The following ATRNL1 variants were observed in gnomAD, a reference collection of about 807,000 sequenced individuals.
The protein encoded by ATRNL1 is attractin like 1.
In ATRNL1, 95 loss-of-function variants were observed where a neutral mutation model predicts 182.7. The ratio of observed to expected loss-of-function variants is 0.52; its 90% CI spans 0.44 to 0.62. The LOEUF (loss-of-function observed/expected upper bound fraction) is 0.62. Among genes scored for constraint, ATRNL1 ranks in the 20% least tolerant of loss-of-function variants. The probability of loss-of-function intolerance (pLI) is 0.00; values close to 1 mark genes in which losing one functional copy is unlikely to be tolerated. For missense variants in ATRNL1, 1,471 were observed against 1,679.5 expected (o/e 0.88, Z 2.17); for synonymous variants, 576 against 568.3 (o/e 1.01, Z -0.19).
At position 115,943,877 on chromosome 10, in the gene ATRNL1, G is replaced by GA. The variant is rs534390995; in HGVS notation, c.4019-774dup. ...AGGAAACGAGTTATCAAGCCAAAAA[G>GA]AAAAAAAGAGATGGAGGTACGTTAA... On this transcript the variant is annotated intron_variant, in intron 28 of 28. Coordinates refer to ENST00000355044, the MANE Select transcript of ATRNL1 (RefSeq NM_207303.4). Among the ~76,000 whole-genome samples the GA allele has an allele frequency of 2.3e-4, 35 of 151,828 alleles. 2 individuals are homozygous for GA. In the South Asian group the frequency reaches 7.3e-3, roughly 31 times the overall value.
intron 2 of ATRNL1, among the ~76,000 whole-genome samples, chr10:115,121,021 G>T (rs1191827990): frequency 5.9e-5 from 9 of 152,040 alleles, no homozygotes; most frequent in African/African-American, 2.2e-4. Context: ...AGTACCATTT[G>T]TATACAACAA....
intron 26 of ATRNL1, among the ~76,000 whole-genome samples, chr10:115,717,702 C>T (rs1555056698): frequency 6.6e-6 from 1 of 151,878 alleles, no homozygotes; most frequent in Non-Finnish European, 1.5e-5. Flanking sequence ...CAGGCGTGTG[C>T]CACTACGCCC....
At chr10:115,520,922 CAT>C (rs1850894431) in intron 25 of ATRNL1, among the ~76,000 whole-genome samples, 1 of 152,120 alleles carries the variant, frequency 6.6e-6, no homozygotes, top group African/African-American at 2.4e-5. Flanking sequence ...TTTCTATAAA[CAT>C]ATTTATCACT....
intron 28 of ATRNL1, among the ~76,000 whole-genome samples, chr10:115,904,255 T>C (rs1479303056): frequency 3.3e-5 from 5 of 152,216 alleles, no homozygotes; most frequent in African/African-American, 9.6e-5. Context: ...TGGAAGAATT[T>C]GGCAGCACCG....
At chr10:115,870,631 ACCAAT>A in intron 28 of ATRNL1, among the ~76,000 whole-genome samples, 1 of 152,310 alleles carries the variant, frequency 6.6e-6, no homozygotes, top group African/African-American at 2.4e-5. Context: ...GTGTGACCTA[ACCAAT>A]CCATCTTGAC....
intron 26 of ATRNL1, among the ~76,000 whole-genome samples, chr10:115,662,143 G>A (rs1860732320): frequency 6.6e-6 from 1 of 151,874 alleles, no homozygotes; most frequent in South Asian, 2.1e-4. Flanking sequence ...ATTCCATGGT[G>A]TATATGTGCC....
intron 1 of ATRNL1, among the ~76,000 whole-genome samples, chr10:115,105,199 C>A (rs1257134646): frequency 1.3e-5 from 2 of 152,088 alleles, no homozygotes; most frequent in Non-Finnish European, 2.9e-5. Flanking sequence ...AAATATCTTT[C>A]CATTTTTTTT....
chr10:115,467,113 T>C, intron 22 of ATRNL1, 61 bp from the exon 23 acceptor site: 1 of 914,386 alleles, frequency 1.1e-6, no homozygotes, highest in Non-Finnish European at 1.8e-6. Context: ...ATCAGTAGAC[T>C]AAATCATATA....
intron 26 of ATRNL1, among the ~76,000 whole-genome samples, chr10:115,554,616 GAC>G (rs782790834): frequency 6.6e-6 from 1 of 151,022 alleles, no homozygotes; most frequent in Admixed American, 6.6e-5. Flanking sequence ...CAATAAGGCA[GAC>G]ACACACACAC....
At chr10:115,769,444 G>A (rs782376565) in intron 27 of ATRNL1, among the ~76,000 whole-genome samples, 2 of 152,084 alleles carry the variant, frequency 1.3e-5, no homozygotes, top group African/African-American at 4.8e-5. Context: ...TATATTTATG[G>A]AGCCAAACAG....
chr10:115,199,215 A>G (rs144296585), intron 8 of ATRNL1, among the ~76,000 whole-genome samples: 4 of 149,930 alleles, frequency 2.7e-5, no homozygotes, highest in African/African-American at 9.8e-5. Flanking sequence ...CAGATCTTTC[A>G]CCTCATTGGT....
intron 8 of ATRNL1, among the ~76,000 whole-genome samples, chr10:115,185,892 G>A (rs545868775): frequency 9.9e-5 from 15 of 152,102 alleles, no homozygotes; most frequent in South Asian, 4.1e-4. Context: ...GAGACATTAC[G>A]TGTGGTAGAG....
At chr10:115,788,681 G>A (rs1460780610) in intron 27 of ATRNL1, among the ~76,000 whole-genome samples, 1 of 152,208 alleles carries the variant, frequency 6.6e-6, no homozygotes, top group Non-Finnish European at 1.5e-5. Flanking sequence ...TGGTACCAGT[G>A]TCTACTGGGC....
intron 13 of ATRNL1, among the ~76,000 whole-genome samples, chr10:115,279,899 A>C (rs1852280643): frequency 6.6e-6 from 1 of 152,202 alleles, no homozygotes; most frequent in Admixed American, 6.5e-5. Flanking sequence ...AATCCTATAC[A>C]GATAAAAATA....
intron 1 of ATRNL1, chr10:115,096,779 T>C: frequency 1.6e-6 from 2 of 1,245,392 alleles, no homozygotes; most frequent in Non-Finnish European, 1.0e-6. Context: ...ATTCCAGTCT[T>C]CTGTTTCCAT....
intron 8 of ATRNL1, among the ~76,000 whole-genome samples, chr10:115,202,997 T>C: frequency 6.6e-6 from 1 of 152,094 alleles, no homozygotes; most frequent in Non-Finnish European, 1.5e-5. Context: ...CCATTTCTTC[T>C]AGATTTTCTA....
At chr10:115,223,005 C>A (rs545891988) in intron 9 of ATRNL1, among the ~76,000 whole-genome samples, 39 of 152,266 alleles carry the variant, frequency 2.6e-4, no homozygotes, top group Admixed American at 2.3e-3. Flanking sequence ...GTTGGTCGGG[C>A]ATGGTGGCTT....
intron 28 of ATRNL1, among the ~76,000 whole-genome samples, chr10:115,866,585 C>T (rs1951444454): frequency 6.6e-6 from 1 of 152,144 alleles, no homozygotes; most frequent in Non-Finnish European, 1.5e-5. Flanking sequence ...AAGATATGAA[C>T]CTAGTTTTTG....
At chr10:115,876,234 CACTT>C (rs1951696926) in intron 28 of ATRNL1, among the ~76,000 whole-genome samples, 4 of 151,138 alleles carry the variant, frequency 2.6e-5, no homozygotes, top group Admixed American at 2.6e-4. Flanking sequence ...CCTGGGAAGA[CACTT>C]ACCCTTTCTC....
Sources: allele counts gnomAD v4.1 joint callset (sites outside exome capture counted in the v4.1 genomes callset), GRCh38; gene constraint gnomAD v4.1.1; transcripts MANE v1.5; gene names NCBI Gene and HGNC (gene_info 2026-07-23, HGNC 2026-07-21).